SASH1: variants seen among roughly 807,000 people sequenced by gnomAD.
SASH1 encodes SAM and SH3 domain-containing protein 1.
Under a neutral mutation model 125.2 loss-of-function variants are expected in SASH1, and 44 were observed. That is an observed-to-expected ratio of 0.35 (90% CI 0.28 to 0.45). The LOEUF (loss-of-function observed/expected upper bound fraction) is 0.45, where lower values mean the gene tolerates loss of function less well. Ranked by LOEUF, SASH1 falls within the 20% of genes least tolerant of loss-of-function variation. The probability of loss-of-function intolerance (pLI) is 1.00; values close to 1 mark genes in which losing one functional copy is unlikely to be tolerated. For synonymous variants in SASH1, 639 were observed against 649.1 expected (o/e 0.98, Z 0.24); for missense variants, 1,426 against 1,614.5 (o/e 0.88, Z 2.00).
chr6:148,370,261 A>G lies in SASH1; in HGVS notation c.157-19873A>G, dbSNP rs185565155. 4.6e-5 allele frequency among the ~76,000 whole-genome samples: 7 copies of G among 152,284 alleles called. No individual in the cohort carries two copies. In the East Asian group the frequency reaches 1.4e-3, roughly 29 times the overall value. The stretch of plus-strand genomic sequence containing the variant: ...TATAGACAAAACCCAAGACAACTCT[A>G]AAAAACAAGTAGGTAATTAACTATC... On this transcript the variant is annotated intron_variant, in intron 1 of 19. Transcript: ENST00000367467.
At chr6:148,517,411 G>T (rs140728960) in intron 9 of SASH1, among the ~76,000 whole-genome samples, 47 of 152,260 alleles carry the variant, frequency 3.1e-4, no homozygotes, top group Non-Finnish European at 5.3e-4. Context: ...GATGATGGAG[G>T]CCTTCACGTG....
At chr6:148,331,193 A>G (rs957785013) in intron 1 of SASH1, among the ~76,000 whole-genome samples, 3 of 152,226 alleles carry the variant, frequency 2.0e-5, no homozygotes, top group African/African-American at 7.2e-5. Context: ...ATAATGTGTT[A>G]CCAAATTTTT....
the SASH1 span, among the ~76,000 whole-genome samples, chr6:148,243,778 A>C: frequency 6.6e-6 from 1 of 152,100 alleles, no homozygotes; most frequent in South Asian, 2.1e-4. Context: ...AGCTTTATAA[A>C]CGTGTTAGTA....
At chr6:148,359,035 C>T (rs1346550992) in intron 1 of SASH1, among the ~76,000 whole-genome samples, 1 of 151,686 alleles carries the variant, frequency 6.6e-6, no homozygotes, top group Admixed American at 6.6e-5. Context: ...ACACCCGGCC[C>T]TAATGCCATG....
At chr6:148,194,678 C>T in the SASH1 span, among the ~76,000 whole-genome samples, 3 of 152,148 alleles carry the variant, frequency 2.0e-5, no homozygotes, top group Admixed American at 6.5e-5. Flanking sequence ...GAGGCCAAGG[C>T]GGGAGGATCA....
At chr6:148,477,582 G>GT (rs1329679522) in intron 7 of SASH1, among the ~76,000 whole-genome samples, 1 of 151,934 alleles carries the variant, frequency 6.6e-6, no homozygotes, top group Admixed American at 6.6e-5. Flanking sequence ...CTGGAATGCA[G>GT]TGGCGAGATC....
chr6:148,309,395 T>C (rs1780239085), intron 1 of SASH1, among the ~76,000 whole-genome samples: 1 of 152,184 alleles, frequency 6.6e-6, no homozygotes, highest in Non-Finnish European at 1.5e-5. Context: ...TTGCCTGCAC[T>C]AGCTTATTTA....
chr6:148,513,378 G>C (rs1473027612), intron 8 of SASH1: 1 of 985,316 alleles, frequency 1.0e-6, no homozygotes, highest in Non-Finnish European at 1.2e-6. Flanking sequence ...GCATGCCCAC[G>C]CACCCGTGTT....
chr6:148,357,249 G>A (rs572609258), intron 1 of SASH1, among the ~76,000 whole-genome samples: 103 of 152,338 alleles, frequency 6.8e-4, no homozygotes, highest in African/African-American at 2.4e-3. Context: ...TGTAAATAAT[G>A]TAGGGTTCCT....
At chr6:148,283,199 G>GA (rs1336302830) in intron 1 of SASH1, among the ~76,000 whole-genome samples, 3 of 152,208 alleles carry the variant, frequency 2.0e-5, no homozygotes, top group African/African-American at 7.2e-5. Context: ...GCCAAATGAA[G>GA]AGGACAGGGA....
the SASH1 span, among the ~76,000 whole-genome samples, chr6:148,219,054 G>T: frequency 7.9e-5 from 12 of 152,198 alleles, no homozygotes; most frequent in Admixed American, 7.8e-4. Context: ...GCTCATGGGA[G>T]CCAGGATTGG....
At chr6:148,483,383 C>G (rs1046355508) in intron 7 of SASH1, among the ~76,000 whole-genome samples, 10 of 152,308 alleles carry the variant, frequency 6.6e-5, no homozygotes, top group African/African-American at 2.4e-4. Flanking sequence ...CCAAACACCT[C>G]TCTTTAGGCC....
At chr6:148,465,774 C>A (rs962482099) in intron 4 of SASH1, among the ~76,000 whole-genome samples, 10 of 152,102 alleles carry the variant, frequency 6.6e-5, no homozygotes, top group Non-Finnish European at 1.3e-4. Context: ...AGCAGAAACC[C>A]TTCTTTCTTT....
chr6:148,272,157 G>A (rs1213036251), upstream of SASH1: 1 of 220,998 alleles, frequency 4.5e-6, no homozygotes, highest in African/African-American at 2.2e-5. Context: ...GCCTCAGGAA[G>A]CAGTTACTGC....
upstream of SASH1, among the ~76,000 whole-genome samples, chr6:148,272,009 G>C (rs1428452043): frequency 2.6e-5 from 4 of 152,212 alleles, no homozygotes; most frequent in East Asian, 5.8e-4. Flanking sequence ...TAAATGTTCT[G>C]AGATACATTT....
At chr6:148,474,823 C>T (rs12200568) in intron 7 of SASH1, among the ~76,000 whole-genome samples, 36,060 of 152,086 alleles carry the variant, frequency 0.24, 4,962 homozygotes, top group Middle Eastern at 0.36. Context: ...CCTCTCACCT[C>T]GGCCTCCCAA....
chr6:148,313,093 C>T (rs963314110), intron 1 of SASH1, among the ~76,000 whole-genome samples: 2 of 152,192 alleles, frequency 1.3e-5, no homozygotes, highest in South Asian at 2.1e-4. Flanking sequence ...GAGAGACCAA[C>T]TGAGCCAAAC....
intron 2 of SASH1, among the ~76,000 whole-genome samples, chr6:148,397,730 A>G (rs374723888): frequency 1.9e-4 from 29 of 152,206 alleles, no homozygotes; most frequent in African/African-American, 6.5e-4. Flanking sequence ...CATGGCACAT[A>G]ATAGGTGCCC....
chr6:148,548,813 A>G lies in SASH1; in HGVS notation c.*255A>G. ...AAGCACTTATTTTTATTTTCAGAAG[A>G]CAAAAGAACCAAGATGCCAACTGGC... On this transcript the variant is annotated 3_prime_UTR_variant, in exon 20 of 20. Transcript: ENST00000367467. 2.5e-6 allele frequency: 1 copy of G among 406,136 alleles called. No homozygotes were observed. Among genetic ancestry groups the G allele is most frequent in the Non-Finnish European group, 4.4e-6 (1 of 229,452 alleles). 25.2% of individuals were successfully genotyped at this position (406,136 alleles called of 1,614,324 possible). A position where few individuals can be genotyped will look rare whatever the true frequency, so the allele number is the denominator to read the frequency against.
Sources: gnomAD v4.1 joint callset for allele counts (sites outside exome capture counted in the v4.1 genomes callset) on GRCh38, gnomAD v4.1.1 for gene constraint, MANE v1.5 for transcripts, NCBI Gene and HGNC (gene_info 2026-07-23, HGNC 2026-07-21) for gene names.